ITIH5: variants seen among roughly 807,000 people sequenced by gnomAD.
ITIH5 encodes the protein inter-alpha-trypsin inhibitor heavy chain 5, also known as inter-alpha-trypsin inhibitor heavy chain H5.
In ITIH5, 65 loss-of-function variants were observed where a neutral mutation model predicts 77.5. That is an observed-to-expected ratio of 0.84 (90% confidence interval 0.69 to 1.03). The LOEUF (loss-of-function observed/expected upper bound fraction) is 1.03. Among genes scored for constraint, ITIH5 ranks in the 50% least tolerant of loss-of-function variants. The pLI is 0.00. For synonymous variants in ITIH5, 525 were observed against 494.3 expected (o/e 1.06, Z -0.82); for missense variants, 1,208 against 1,213.1 (o/e 1.00, Z 0.06).
intron 7 of ITIH5, among the ~76,000 whole-genome samples, chr10:7,587,425 G>C (rs1294668956): frequency 1.3e-5 from 2 of 152,176 alleles, no homozygotes; most frequent in African/African-American, 4.8e-5. Context: ...GACCATGAAA[G>C]GACATCCGGC....
chr10:7,572,774 T>TTA (rs1369329546), intron 11 of ITIH5: 1 of 132,328 alleles, frequency 7.6e-6, no homozygotes, highest in Non-Finnish European at 1.5e-5. Flanking sequence ...TTTTACACTT[T>TTA]TTTTTTTTTT....
At chr10:7,648,638 T>G (rs1834043637) in intron 2 of ITIH5, among the ~76,000 whole-genome samples, 1 of 152,240 alleles carries the variant, frequency 6.6e-6, no homozygotes, top group Non-Finnish European at 1.5e-5. Context: ...TGCTAATAGT[T>G]CTTGCTCAGT....
intron 5 of ITIH5, chr10:7,618,406 A>T (rs183078332): frequency 1.3e-5 from 2 of 152,372 alleles, no homozygotes; most frequent in East Asian, 3.8e-4. Flanking sequence ...CAGATTAAGC[A>T]AAGAGCATCC....
intron 11 of ITIH5, chr10:7,571,879 C>G (rs921666334): frequency 1.4e-5 from 10 of 706,512 alleles, no homozygotes; most frequent in African/African-American, 9.7e-5. Context: ...TATTTTTGAT[C>G]TGTTGTTGGT....
intron 11 of ITIH5, chr10:7,572,120 T>C: frequency 9.3e-7 from 1 of 1,074,832 alleles, no homozygotes; most frequent in Non-Finnish European, 1.1e-6. Flanking sequence ...AGCCTGTGTG[T>C]GTGTGTTGGA....
chr10:7,585,552 C>T (rs1007260682), intron 8 of ITIH5, among the ~76,000 whole-genome samples: 1 of 152,176 alleles, frequency 6.6e-6, no homozygotes, highest in Non-Finnish European at 1.5e-5. Context: ...GGCTGGTCCA[C>T]GTGGCTGTAA....
At position 7,597,802 on chromosome 10, in the gene ITIH5, C is replaced by A. The variant is rs539616143; in HGVS notation, c.940-11733G>T. 7.7e-4 allele frequency among the ~76,000 whole-genome samples: 117 copies of A among 152,238 alleles called. 1 individual carries two copies. Among genetic ancestry groups the A allele is most frequent in the African/African-American group, 2.4e-3 (101 of 41,548 alleles). ...TATTACAAGATTACAAAAACTTATTCTATAAAAGGTAATATAAACTTATGT... is the reference window on the plus strand; with the variant it reads ...TATTACAAGATTACAAAAACTTATTATATAAAAGGTAATATAAACTTATGT... On this transcript the variant is annotated intron_variant, in intron 7 of 13. Coordinates refer to ENST00000397146, the MANE Select transcript of ITIH5 (RefSeq NM_030569.7).
At chr10:7,586,124 C>T (rs1832673839) in intron 7 of ITIH5, 55 bp from the exon 8 acceptor site, 3 of 1,512,086 alleles carry the variant, frequency 2.0e-6, no homozygotes, top group East Asian at 2.3e-5. Context: ...GTCCACTTGT[C>T]CCCTGTTCTA....
rs541370130 is a variant in ITIH5 at position 7,659,304 on chromosome 10, G to A, written c.91-3629C>T. Among the ~76,000 whole-genome samples the A allele has an allele frequency of 7.2e-5, 11 of 152,114 alleles. No homozygotes were observed. The South Asian group carries it at 1.0e-3, about 14-fold the overall frequency. ...TGAGGCAGGAGAATCTCTTGAACCC[G>A]GGAGGTGGAGGTTGCAGTGGGCCGA... is the stretch of plus-strand genomic sequence containing the variant. On this transcript the variant is annotated intron_variant, in intron 1 of 13. Coordinates refer to ENST00000397146, the MANE Select transcript of ITIH5 (RefSeq NM_030569.7).
chr10:7,651,100 C>T, intron 2 of ITIH5, among the ~76,000 whole-genome samples: 1 of 151,150 alleles, frequency 6.6e-6, no homozygotes, highest in Non-Finnish European at 1.5e-5. Flanking sequence ...ATGCTACCTG[C>T]TGTATTGACT....
intron 5 of ITIH5, among the ~76,000 whole-genome samples, chr10:7,622,633 A>C (rs559899000): frequency 2.0e-5 from 3 of 152,248 alleles, no homozygotes; most frequent in Non-Finnish European, 4.4e-5. Context: ...AAGGACAGAC[A>C]CATAATAAAC....
chr10:7,637,133 G>A (rs1282899243), intron 5 of ITIH5, 95 bp downstream of exon 5: 57 of 1,432,248 alleles, frequency 4.0e-5, no homozygotes, highest in Non-Finnish European at 5.3e-5. Flanking sequence ...CTTTGCTGAA[G>A]GGAAGGGTGC....
intron 5 of ITIH5, chr10:7,617,607 T>A (rs1479686177): frequency 1.1e-5 from 2 of 175,674 alleles, no homozygotes; most frequent in African/African-American, 4.7e-5. Flanking sequence ...TTTTATCTAT[T>A]CCCCATTTTT....
In ITIH5 at chr10:7,566,274, G is replaced by T; in HGVS notation, c.2283C>A (p.Ser761Arg). 6.2e-7 allele frequency: 1 copy of T among 1,613,512 alleles called. No homozygotes were observed. Among genetic ancestry groups the T allele is most frequent in the Admixed American group, 1.7e-5 (1 of 59,908 alleles). The change falls in exon 13 of 14, where the codon AGC (serine) becomes AGA (arginine). Residue 761 changes from serine (S) to arginine (R), a missense_variant. Ser to Arg is a moderately radical substitution (Grantham distance 110). Transcript: ENST00000397146. ...TGTCCCCACCATCCAAGATGACTCT[G>T]CTCGGTGTGATCTCGAGATAAGATC... ...PERSYLEITP[S>R]RVILDGGDRL...
At chr10:7,578,325 G>C (rs1832466975) in intron 9 of ITIH5, 1 of 167,656 alleles carries the variant, frequency 6.0e-6, no homozygotes, top group African/African-American at 2.4e-5. Flanking sequence ...GATCATCTGG[G>C]ATGATGCACA....
At chr10:7,564,110 G>C (rs568079609) in intron 13 of ITIH5, among the ~76,000 whole-genome samples, 1 of 152,368 alleles carries the variant, frequency 6.6e-6, no homozygotes, top group East Asian at 1.9e-4. Context: ...CAGGCTGGGC[G>C]CTGGGCAGGG....
At chr10:7,640,212 T>C (rs553891407) in intron 4 of ITIH5, among the ~76,000 whole-genome samples, 14 of 148,390 alleles carry the variant, frequency 9.4e-5, no homozygotes, top group Non-Finnish European at 1.6e-4. Flanking sequence ...CCTGTAATCC[T>C]GTAATCCCAG....
intron 5 of ITIH5, among the ~76,000 whole-genome samples, chr10:7,631,947 T>G (rs1211359145): frequency 6.9e-6 from 1 of 144,356 alleles, no homozygotes; most frequent in East Asian, 2.0e-4. Flanking sequence ...CCACCACGCC[T>G]AGCTAATTTT....
chr10:7,591,699 G>A (rs1374269857), intron 7 of ITIH5, among the ~76,000 whole-genome samples: 1 of 151,992 alleles, frequency 6.6e-6, no homozygotes, highest in Admixed American at 6.6e-5. Context: ...TTCCAAGAGA[G>A]CCCTTCCCTG....
Sources: gnomAD v4.1 joint callset for allele counts (sites outside exome capture counted in the v4.1 genomes callset) on GRCh38, gnomAD v4.1.1 for gene constraint, MANE v1.5 for transcripts, NCBI Gene and HGNC (gene_info 2026-07-23, HGNC 2026-07-21) for gene names.